Variants in GPR183 observed in about 807,000 individuals in gnomAD.
The protein encoded by GPR183 is G protein-coupled receptor 183, also known as EBV-induced G-protein coupled receptor 2.
A neutral mutation model predicts 19.7 loss-of-function variants in GPR183; 9 were observed. That is an observed-to-expected ratio of 0.46 (90% CI 0.28 to 0.80). GPR183 has a LOEUF of 0.80. GPR183 is among the 30% of genes least tolerant of loss of function. GPR183 has a pLI of 0.13. For missense variants in GPR183, 368 were observed against 446.7 expected, an observed-to-expected ratio of 0.82 and a Z score of 1.59; for synonymous variants, 160 against 155.1, an observed-to-expected ratio of 1.03 and a Z score of -0.24.
At chr13:99,303,929 C>T (rs1287706282) in intron 1 of GPR183, among the ~76,000 whole-genome samples, 1 of 152,166 alleles carries the variant, frequency 6.6e-6, no homozygotes, top group Non-Finnish European at 1.5e-5. Context: ...CTCTGGTCAG[C>T]GAGCAGTCCC....
intron 1 of GPR183, among the ~76,000 whole-genome samples, chr13:99,303,993 G>C (rs1410819694): frequency 6.6e-6 from 1 of 152,118 alleles, no homozygotes; most frequent in Non-Finnish European, 1.5e-5. Flanking sequence ...TCTGCCTGTT[G>C]TGTGCCATTC....
intron 1 of GPR183, among the ~76,000 whole-genome samples, chr13:99,298,144 A>T (rs534225709): frequency 7.2e-4 from 110 of 152,318 alleles, no homozygotes; most frequent in African/African-American, 2.5e-3. Context: ...CATTTCTATT[A>T]TGATGTGCTA....
rs548559580 is a variant in GPR183, at chr13:99,295,021, A to C, written c.*39T>G. ...TAAGGGAAGTCCTGCAAAGTTTGTCATACAGTTTACGTCACTATAAACCAA... is the reference window on the plus strand; with the variant it reads ...TAAGGGAAGTCCTGCAAAGTTTGTCCTACAGTTTACGTCACTATAAACCAA... On this transcript the variant is annotated 3_prime_UTR_variant, in exon 2 of 2. Coordinates refer to ENST00000376414, the MANE Select transcript of GPR183 (RefSeq NM_004951.5). The surrounding 1 kb of genome is among the most constrained non-coding windows in gnomAD (Gnocchi z 4.1). 3 of 1,564,354 alleles carry C rather than the reference A, an allele frequency of 1.9e-6. No individual in the cohort carries two copies. Among genetic ancestry groups the C allele is most frequent in the African/African-American group, 1.4e-5 (1 of 73,032 alleles).
chr13:99,306,302 T>C (rs1332007025), intron 1 of GPR183, among the ~76,000 whole-genome samples: 2 of 152,152 alleles, frequency 1.3e-5, no homozygotes, highest in African/African-American at 4.8e-5. Flanking sequence ...GACAGTTTTT[T>C]AGCACTTATA....
Position 99,295,624 on chromosome 13 carries a change from C to T in GPR183, c.522G>A (p.Gln174=), listed in dbSNP as rs1282933437. ...LPLLINPMSK[Q]EAERITCMEY... ...CCATGCATGTAATCCTTTCAGCCTC[C>T]TGCTTTGACATAGGGTTGATGAGGA... Residue 174 remains glutamine, a synonymous_variant, in exon 2 of 2, where the codon CAG becomes CAA. Coordinates refer to ENST00000376414, the MANE Select transcript of GPR183 (RefSeq NM_004951.5). The surrounding 1 kb of genome is among the most constrained non-coding windows in gnomAD (Gnocchi z 4.1). 6.2e-7 allele frequency: 1 copy of T among 1,614,138 alleles called. No individual in the cohort carries two copies. The highest frequency in any genetic ancestry group is 8.5e-7 in the Non-Finnish European group (1 of 1,180,018).
intron 1 of GPR183, among the ~76,000 whole-genome samples, chr13:99,303,792 A>G (rs1388425538): frequency 2.0e-5 from 3 of 152,208 alleles, no homozygotes; most frequent in East Asian, 1.9e-4. Context: ...GGAACATTAA[A>G]TATCATTATT....
chr13:99,304,912 C>T (rs1022913212), intron 1 of GPR183, among the ~76,000 whole-genome samples: 3 of 152,158 alleles, frequency 2.0e-5, no homozygotes, highest in South Asian at 2.1e-4. Context: ...AAAACCTTAA[C>T]GTACACTAAC....
rs143138028 is a variant in GPR183, at chr13:99,295,501, G to A, written c.645C>T (p.Cys215=). ...AGAGTTTGCAGCAGATCTGAGAATA[G>A]CAGATGAGAATGATTATAAGTGGAA... is the stretch of plus-strand genomic sequence containing the variant. ...YVLPLIIILI[C]YSQICCKLFR... The change falls in exon 2 of 2, where the codon TGC becomes TGT. Residue 215 remains cysteine (C), a synonymous_variant. Coordinates refer to ENST00000376414, the MANE Select transcript of GPR183 (RefSeq NM_004951.5). This position sits in a 1 kb window ranked among gnomAD's most constrained non-coding sequence, Gnocchi z 4.1. 535 of 1,613,850 alleles carry A rather than the reference G, an allele frequency of 3.3e-4. 1 individual carries two copies. The highest frequency in any genetic ancestry group is 4.4e-4 in the Non-Finnish European group (516 of 1,179,940).
chr13:99,295,912 T>C lies in GPR183; in HGVS notation c.234A>G (p.Ile78Met). Reference protein sequence around the residue: ...LYSTNLVISDILFTTALPTRI... With the variant: ...LYSTNLVISDMLFTTALPTRI... The stretch of plus-strand genomic sequence containing the variant: ...GTGTAGGCAAAGCGGTGGTAAAAAG[T>C]ATATCAGAAATCACCAAATTTGTTG... Residue 78 changes from isoleucine to methionine, a missense_variant, in exon 2 of 2, where the codon ATA (isoleucine) becomes ATG (methionine). Ile to Met is a conservative substitution (Grantham distance 10). Transcript: ENST00000376414. This position sits in a 1 kb window ranked among gnomAD's most constrained non-coding sequence, Gnocchi z 4.1. 1 of 1,613,604 alleles carries C rather than the reference T, an allele frequency of 6.2e-7. No homozygotes were observed. Among genetic ancestry groups the C allele is most frequent in the South Asian group, 1.1e-5 (1 of 91,052 alleles).
chr13:99,295,734 G>A lies in GPR183; in HGVS notation c.412C>T (p.Arg138Cys), dbSNP rs775497626. The A allele has an allele frequency of 1.1e-5, 18 of 1,613,954 alleles. No individual in the cohort carries two copies. The highest frequency in any genetic ancestry group is 1.6e-4 in the Middle Eastern group (1 of 6,084). ...DRFIAVVHPL[R>C]YNKIKRIEHA... Reference sequence around the variant, plus strand: ...TCAATCCTTTTTATCTTGTTGTAGCGTAGAGGGTGCACCACAGCAATGAAG... The same window carrying A: ...TCAATCCTTTTTATCTTGTTGTAGCATAGAGGGTGCACCACAGCAATGAAG... The change falls in exon 2 of 2, where the codon CGC becomes TGC. Residue 138 changes from arginine to cysteine, a missense_variant. Transcript: ENST00000376414. This position sits in a 1 kb window ranked among gnomAD's most constrained non-coding sequence, Gnocchi z 4.1.
At chr13:99,303,223 A>G (rs1302646161) in intron 1 of GPR183, among the ~76,000 whole-genome samples, 3 of 152,246 alleles carry the variant, frequency 2.0e-5, no homozygotes, top group Non-Finnish European at 2.9e-5. Context: ...AACATCTTCA[A>G]GACTGAAAAA....
chr13:99,302,527 C>T (rs1178052873), intron 1 of GPR183, among the ~76,000 whole-genome samples: 1 of 152,192 alleles, frequency 6.6e-6, no homozygotes, highest in Non-Finnish European at 1.5e-5. Context: ...TTGAAAACGC[C>T]TTCTTGTTCA....
intron 1 of GPR183, among the ~76,000 whole-genome samples, chr13:99,302,335 A>C (rs902194772): frequency 8.5e-5 from 13 of 152,254 alleles, no homozygotes; most frequent in Admixed American, 7.9e-4. Flanking sequence ...ATGAAAGCTC[A>C]GGGTTAATTG....
intron 1 of GPR183, among the ~76,000 whole-genome samples, chr13:99,306,716 A>G (rs1256582838): frequency 6.6e-6 from 1 of 152,190 alleles, no homozygotes; most frequent in Non-Finnish European, 1.5e-5. Context: ...GTCTAAGTAA[A>G]CACAAGTATA....
intron 1 of GPR183, among the ~76,000 whole-genome samples, chr13:99,303,897 C>T (rs146264828): frequency 2.3e-4 from 35 of 152,288 alleles, no homozygotes; most frequent in Non-Finnish European, 4.7e-4. Context: ...CCCAGGACTC[C>T]GTGTTCTCCC....
intron 1 of GPR183, among the ~76,000 whole-genome samples, chr13:99,304,339 A>G (rs1429025099): frequency 6.6e-6 from 1 of 152,116 alleles, no homozygotes; most frequent in Non-Finnish European, 1.5e-5. Flanking sequence ...TCCCAGGAGC[A>G]TTCCTGTTCT....
At chr13:99,296,265 A>G in intron 1 of GPR183, 102 bp from the exon 2 acceptor site, 1 of 915,954 alleles carries the variant, frequency 1.1e-6, no homozygotes, top group African/African-American at 1.7e-5. Flanking sequence ...AAAGCAATCC[A>G]AACTGTCTTT....
chr13:99,295,815 A>G lies in GPR183; in HGVS notation c.331T>C (p.Phe111Leu). 6.2e-7 allele frequency: 1 copy of G among 1,610,014 alleles called. No individual in the cohort carries two copies. Among genetic ancestry groups the G allele is most frequent in the Non-Finnish European group, 8.5e-7 (1 of 1,177,186 alleles). Reference protein sequence around the residue: ...DALCRITALVFYINTYAGVNF... With the variant: ...DALCRITALVLYINTYAGVNF... Reference sequence around the variant, plus strand: ...ACACCTGCATATGTGTTGATGTAAAACACTAGCGCAGTTATCCTACACAAG... The same window carrying G: ...ACACCTGCATATGTGTTGATGTAAAGCACTAGCGCAGTTATCCTACACAAG... The change falls in exon 2 of 2, where the codon TTT becomes CTT. Residue 111 changes from phenylalanine to leucine, a missense_variant. Phe to Leu is a conservative substitution (Grantham distance 22, BLOSUM62 0). Transcript: ENST00000376414. This position sits in a 1 kb window ranked among gnomAD's most constrained non-coding sequence, Gnocchi z 4.1.
At chr13:99,296,568 T>C (rs2044177124) in intron 1 of GPR183, among the ~76,000 whole-genome samples, 1 of 152,228 alleles carries the variant, frequency 6.6e-6, no homozygotes, top group South Asian at 2.1e-4. Context: ...CATTAAGCTT[T>C]GCTTTTAAAT....
Sources: gnomAD v4.1 joint callset for allele counts (sites outside exome capture counted in the v4.1 genomes callset) on GRCh38, gnomAD v4.1.1 for gene constraint, Gnocchi (gnomAD v3.1) non-coding constraint, MANE v1.5 for transcripts, NCBI Gene and HGNC (gene_info 2026-07-23, HGNC 2026-07-21) for gene names.